SUGCT: variants seen among roughly 807,000 people sequenced by gnomAD.
SUGCT encodes the protein succinyl-CoA:glutarate CoA-transferase.
A neutral mutation model predicts 55.0 loss-of-function variants in SUGCT; 41 were observed. The ratio of observed to expected loss-of-function variants is 0.74; its 90% CI spans 0.58 to 0.97. The LOEUF (loss-of-function observed/expected upper bound fraction) is 0.97, where lower values mean the gene tolerates loss of function less well. SUGCT is among the 50% of genes least tolerant of loss of function. The pLI, the probability that SUGCT is intolerant of heterozygous loss-of-function variation, is 0.00. For missense variants in SUGCT, 568 were observed against 547.8 expected (o/e 1.04, Z -0.37); for synonymous variants, 187 against 200.4 (o/e 0.93, Z 0.56).
chr7:40,832,238 A>T (rs1266136728), intron 13 of SUGCT, among the ~76,000 whole-genome samples: 1 of 152,108 alleles, frequency 6.6e-6, no homozygotes, highest in East Asian at 1.9e-4. Context: ...CCGCTTCCTT[A>T]TTTGGGGGAT....
rs899227704 is a variant in SUGCT, at chr7:40,295,597, A to G, written c.720+20941A>G. On this transcript the variant is annotated intron_variant, in intron 8 of 13. Coordinates refer to ENST00000335693, the MANE Select transcript of SUGCT (RefSeq NM_001193313.2). ...TCTCCAAAAATAAACAAACAAACAAATAAAAGAAAAAATCACTAATGAATG... is the reference window on the plus strand; with the variant it reads ...TCTCCAAAAATAAACAAACAAACAAGTAAAAGAAAAAATCACTAATGAATG... Among the ~76,000 whole-genome samples, 3 of 151,820 alleles carry G rather than the reference A, an allele frequency of 2.0e-5. No homozygotes were observed. In the South Asian group the frequency reaches 6.2e-4, roughly 31 times the overall value.
intron 12 of SUGCT, among the ~76,000 whole-genome samples, chr7:40,589,150 A>G (rs1346470332): frequency 6.7e-6 from 1 of 150,278 alleles, no homozygotes; most frequent in Non-Finnish European, 1.5e-5. Context: ...ATGTACATAT[A>G]TGTGTGTGTG....
At chr7:40,171,415 G>A (rs894002453) in intron 1 of SUGCT, among the ~76,000 whole-genome samples, 24 of 152,158 alleles carry the variant, frequency 1.6e-4, no homozygotes, top group Admixed American at 1.6e-3. Context: ...TCACCCTGGA[G>A]GAACCATCTA....
chr7:40,218,548 C>T (rs778354668), intron 6 of SUGCT, among the ~76,000 whole-genome samples: 24 of 152,078 alleles, frequency 1.6e-4, no homozygotes, highest in Non-Finnish European at 2.6e-4. Context: ...CACCAATCAG[C>T]GCTCTGTGTC....
intron 9 of SUGCT, among the ~76,000 whole-genome samples, chr7:40,444,803 G>A (rs1020470951): frequency 5.3e-5 from 8 of 152,246 alleles, no homozygotes; most frequent in African/African-American, 1.9e-4. Flanking sequence ...TCTTGTGCCA[G>A]TTTTCAAAGG....
the SUGCT span, among the ~76,000 whole-genome samples, chr7:41,015,803 T>G: frequency 0.029 from 4,454 of 152,298 alleles, 224 homozygotes; most frequent in African/African-American, 0.1. Context: ...TTTAACTCAA[T>G]AGACCATTAA....
At chr7:40,913,282 G>A in the SUGCT span, among the ~76,000 whole-genome samples, 4 of 152,022 alleles carry the variant, frequency 2.6e-5, no homozygotes, top group African/African-American at 9.7e-5. Context: ...ATGGAGAAAC[G>A]CCATCACATG....
chr7:40,730,850 T>C (rs1027119855), intron 12 of SUGCT, among the ~76,000 whole-genome samples: 1 of 152,254 alleles, frequency 6.6e-6, no homozygotes, highest in Non-Finnish European at 1.5e-5. Context: ...ATCCATGTTG[T>C]TGCAAATGAC....
chr7:40,248,928 C>CACACA (rs1562611530), intron 7 of SUGCT, among the ~76,000 whole-genome samples: 83 of 142,592 alleles, frequency 5.8e-4, no homozygotes, highest in South Asian at 1.8e-3. Context: ...ACACACACTC[C>CACACA]CTCTCTCTCT....
intron 9 of SUGCT, among the ~76,000 whole-genome samples, chr7:40,395,380 T>C (rs1162589136): frequency 1.3e-5 from 2 of 150,298 alleles, no homozygotes; most frequent in African/African-American, 4.9e-5. Flanking sequence ...TTCCAGCTAC[T>C]TGGGAGGCTG....
intron 12 of SUGCT, chr7:40,538,577 A>G (rs1794498325): frequency 6.6e-6 from 1 of 152,250 alleles, no homozygotes; most frequent in African/African-American, 2.4e-5. Flanking sequence ...GAAGCAATGT[A>G]AAACAAAATA....
chr7:40,554,781 C>T (rs1031138422), intron 12 of SUGCT, among the ~76,000 whole-genome samples: 1 of 152,144 alleles, frequency 6.6e-6, no homozygotes, highest in Non-Finnish European at 1.5e-5. Flanking sequence ...CAGATTTTTC[C>T]TCTTCCAGCA....
the SUGCT span, among the ~76,000 whole-genome samples, chr7:40,949,380 A>G: frequency 6.6e-6 from 1 of 152,068 alleles, no homozygotes; most frequent in Non-Finnish European, 1.5e-5. Flanking sequence ...AGTAGATTGC[A>G]AAAATTTTCT....
the SUGCT span, among the ~76,000 whole-genome samples, chr7:40,956,779 A>ACG: frequency 6.6e-6 from 1 of 152,172 alleles, no homozygotes; most frequent in Non-Finnish European, 1.5e-5. Flanking sequence ...CCCTCTCAAC[A>ACG]CTGCTTTTGC....
At chr7:40,372,683 G>A (rs1784349056) in intron 9 of SUGCT, among the ~76,000 whole-genome samples, 1 of 151,930 alleles carries the variant, frequency 6.6e-6, no homozygotes, top group African/African-American at 2.4e-5. Context: ...AATTATGCAG[G>A]CAAGTAAATC....
chr7:40,476,395 T>A lies in SUGCT; in HGVS notation c.986+17197T>A, dbSNP rs186479520. On this transcript the variant is annotated intron_variant, in intron 11 of 13. Transcript: ENST00000335693. The stretch of plus-strand genomic sequence containing the variant: ...TGCTTTAATTATCTGCCATTTTTTT[T>A]AAAAGATTTGGAAACCGTTGAGGAA... Among the ~76,000 whole-genome samples, 209 of 152,252 alleles carry A rather than the reference T, an allele frequency of 1.4e-3. 3 individuals carry two copies. In the South Asian group the frequency reaches 0.018, roughly 13 times the overall value.
intron 8 of SUGCT, among the ~76,000 whole-genome samples, chr7:40,279,773 C>T (rs10245703): frequency 0.99 from 151,468 of 152,258 alleles, 75,343 homozygotes; most frequent in East Asian, 1. Context: ...ATGATTAAAA[C>T]CTGCTTTATG....
intron 13 of SUGCT, among the ~76,000 whole-genome samples, chr7:40,784,550 C>G (rs536144489): frequency 4.6e-5 from 7 of 152,188 alleles, no homozygotes; most frequent in African/African-American, 9.7e-5. Flanking sequence ...TTCTTGACCT[C>G]TTGGGCCAGA....
At chr7:40,470,794 T>C (rs1256664302) in intron 11 of SUGCT, among the ~76,000 whole-genome samples, 1 of 152,096 alleles carries the variant, frequency 6.6e-6, no homozygotes, top group Non-Finnish European at 1.5e-5. Flanking sequence ...TTTCTCTCTC[T>C]GTCACACATA....
Sources: gnomAD v4.1 joint callset for allele counts (sites outside exome capture counted in the v4.1 genomes callset) on GRCh38, gnomAD v4.1.1 for gene constraint, MANE v1.5 for transcripts, NCBI Gene and HGNC (gene_info 2026-07-23, HGNC 2026-07-21) for gene names.